The following PARD3 variants were observed in gnomAD, a reference collection of about 807,000 sequenced individuals.
PARD3 encodes partitioning defective 3 homolog.
PARD3 carries 75 observed loss-of-function variants against 155.4 expected under a neutral mutation model. That is an observed-to-expected ratio of 0.48 (90% CI 0.40 to 0.58). The LOEUF is 0.58. Ranked by LOEUF, PARD3 falls within the 20% of genes least tolerant of loss-of-function variation. PARD3 has a pLI of 0.00. For missense variants in PARD3, 1,642 were observed against 1,721.7 expected, an observed-to-expected ratio of 0.95 and a Z score of 0.82; for synonymous variants, 576 against 610.5, an observed-to-expected ratio of 0.94 and a Z score of 0.83.
At chr10:34,794,094 T>G (rs900211227) in intron 1 of PARD3, among the ~76,000 whole-genome samples, 2 of 149,122 alleles carry the variant, frequency 1.3e-5, no homozygotes, top group African/African-American at 4.9e-5. Context: ...AAAGAGACAC[T>G]CCCACAGTCA....
At position 34,267,647 on chromosome 10, in the gene PARD3, A is replaced by G. The variant is rs1186640287; in HGVS notation, c.3419+2010T>C. Among the ~76,000 whole-genome samples, 6 of 152,358 alleles carry G rather than the reference A, an allele frequency of 3.9e-5. No homozygotes were observed. The East Asian group carries it at 1.2e-3, about 29-fold the overall frequency. On this transcript the variant is annotated intron_variant, in intron 22 of 24. Transcript: ENST00000374788. Reference sequence around the variant, plus strand: ...CTGTTGCATCTGCAAACCTCTATTAAAAACAACTGGAAGTAGGTAAAATAG... The same window carrying G: ...CTGTTGCATCTGCAAACCTCTATTAGAAACAACTGGAAGTAGGTAAAATAG...
chr10:34,595,988 G>T (rs1046223002), intron 2 of PARD3, among the ~76,000 whole-genome samples: 1 of 152,098 alleles, frequency 6.6e-6, no homozygotes, highest in African/African-American at 2.4e-5. Context: ...AAATGATGAA[G>T]ATAAAAGCTT....
intron 2 of PARD3, among the ~76,000 whole-genome samples, chr10:34,644,245 C>G (rs1032907794): frequency 3.3e-5 from 5 of 152,208 alleles, no homozygotes; most frequent in African/African-American, 1.2e-4. Flanking sequence ...GGGGAGACAT[C>G]TGCCCTGCAG....
intron 6 of PARD3, among the ~76,000 whole-genome samples, chr10:34,400,825 C>CT (rs5784413): frequency 0.23 from 33,880 of 146,534 alleles, 5,595 homozygotes; most frequent in African/African-American, 0.48. Flanking sequence ...TTTTTTATTA[C>CT]TTTTTTTTTT....
chr10:34,660,461 G>C (rs1347360144), intron 2 of PARD3, among the ~76,000 whole-genome samples: 1 of 152,070 alleles, frequency 6.6e-6, no homozygotes. Context: ...TATTTTCAAA[G>C]GAGCTTACAC....
chr10:34,303,328 T>C (rs1466145678), intron 20 of PARD3, among the ~76,000 whole-genome samples: 3 of 152,076 alleles, frequency 2.0e-5, no homozygotes, highest in South Asian at 4.1e-4. Context: ...CCTGTTAGAG[T>C]ACCTACTTGC....
At chr10:34,806,600 G>C (rs1235064664) in intron 1 of PARD3, among the ~76,000 whole-genome samples, 1 of 152,244 alleles carries the variant, frequency 6.6e-6, no homozygotes, top group Non-Finnish European at 1.5e-5. Context: ...CAAAGCTCTG[G>C]GATTACAGGC....
intron 2 of PARD3, among the ~76,000 whole-genome samples, chr10:34,620,402 C>G (rs2091582678): frequency 6.6e-6 from 1 of 152,206 alleles, no homozygotes. Flanking sequence ...CCATCTGAAA[C>G]AGGAGGACCC....
At chr10:34,431,245 T>C (rs573729724) in intron 5 of PARD3, among the ~76,000 whole-genome samples, 3 of 152,276 alleles carry the variant, frequency 2.0e-5, no homozygotes, top group Non-Finnish European at 1.5e-5. Context: ...TCAATACACA[T>C]GATCAAAGAC....
chr10:34,463,171 G>A (rs1339748397), intron 4 of PARD3, among the ~76,000 whole-genome samples: 1 of 124,414 alleles, frequency 8.0e-6, no homozygotes. Context: ...AGGGGAGGAA[G>A]GAAAAGGGAA....
At chr10:34,327,015 C>T (rs1835094854) in intron 19 of PARD3, among the ~76,000 whole-genome samples, 1 of 152,176 alleles carries the variant, frequency 6.6e-6, no homozygotes, top group African/African-American at 2.4e-5. Context: ...GAGTGCAGGG[C>T]TTACAATTTC....
intron 2 of PARD3, among the ~76,000 whole-genome samples, chr10:34,620,758 A>C (rs1246314003): frequency 6.6e-6 from 1 of 152,244 alleles, no homozygotes; most frequent in East Asian, 1.9e-4. Context: ...TTTCTTAGTC[A>C]AAAAGTTGAA....
At chr10:34,453,424 A>G (rs1276447259) in intron 4 of PARD3, among the ~76,000 whole-genome samples, 1 of 152,158 alleles carries the variant, frequency 6.6e-6, no homozygotes, top group Admixed American at 6.5e-5. Flanking sequence ...GCAGATCATC[A>G]TTCACCTTTA....
At chr10:34,112,001 C>T (rs1946408655) in intron 24 of PARD3, among the ~76,000 whole-genome samples, 1 of 152,238 alleles carries the variant, frequency 6.6e-6, no homozygotes. Flanking sequence ...ATATTTTACA[C>T]AGCTGCCACC....
At chr10:34,460,997 T>A (rs573156727) in intron 4 of PARD3, among the ~76,000 whole-genome samples, 1 of 152,174 alleles carries the variant, frequency 6.6e-6, no homozygotes, top group South Asian at 2.1e-4. Flanking sequence ...AGTGAAAATA[T>A]TAAAACCAAG....
At chr10:34,481,836 T>C (rs1045985510) in intron 3 of PARD3, among the ~76,000 whole-genome samples, 1 of 151,890 alleles carries the variant, frequency 6.6e-6, no homozygotes, top group Non-Finnish European at 1.5e-5. Context: ...ATTCTGACCA[T>C]TCATTCATTT....
At chr10:34,709,560 G>A (rs11009881) in intron 1 of PARD3, among the ~76,000 whole-genome samples, 12,113 of 152,192 alleles carry the variant, frequency 0.08, 1,011 homozygotes, top group African/African-American at 0.22. Context: ...TGGTGGAGGC[G>A]GGGGCCACAC....
chr10:34,343,840 T>A, intron 15 of PARD3: 3 of 981,826 alleles, frequency 3.1e-6, no homozygotes, highest in Non-Finnish European at 3.6e-6. Flanking sequence ...CTAGTCAGTA[T>A]CTTGTAGAGG....
chr10:34,787,105 G>C (rs1203816624), intron 1 of PARD3, among the ~76,000 whole-genome samples: 1 of 152,182 alleles, frequency 6.6e-6, no homozygotes, highest in Non-Finnish European at 1.5e-5. Flanking sequence ...AGATAGGCCA[G>C]GCACAGTGGC....
Sources: gnomAD v4.1 joint callset for allele counts (sites outside exome capture counted in the v4.1 genomes callset) on GRCh38, gnomAD v4.1.1 for gene constraint, MANE v1.5 for transcripts, NCBI Gene and HGNC (gene_info 2026-07-23, HGNC 2026-07-21) for gene names.